SLC43A3: variants seen among roughly 807,000 people sequenced by gnomAD.
SLC43A3 encodes equilibrative nucleobase transporter 1.
SLC43A3 carries 33 observed loss-of-function variants against 53.3 expected under a neutral mutation model. The observed-to-expected ratio is 0.62, with a 90% CI of 0.47 to 0.83. The LOEUF (loss-of-function observed/expected upper bound fraction) is 0.83. Ranked by LOEUF, SLC43A3 falls within the 40% of genes least tolerant of loss-of-function variation. The pLI is 0.00. For missense variants in SLC43A3, 530 were observed against 610.0 expected, an observed-to-expected ratio of 0.87 and a Z score of 1.38; for synonymous variants, 236 against 246.2, an observed-to-expected ratio of 0.96 and a Z score of 0.39.
chr11:57,421,481 GCCCCA>G, intron 5 of SLC43A3, 108 bp from the exon 6 acceptor site: 1 of 785,944 alleles, frequency 1.3e-6, no homozygotes, highest in Non-Finnish European at 2.1e-6. Flanking sequence ...TGGTATCCAG[GCCCCA>G]ATTCTAGCCA....
chr11:57,424,193 G>A (rs756049670), intron 4 of SLC43A3, 165 bp from the exon 5 acceptor site: 63 of 671,298 alleles, frequency 9.4e-5, no homozygotes, highest in Non-Finnish European at 1.4e-4. Flanking sequence ...AAAACCAGGC[G>A]CAAGAAGCCG....
chr11:57,425,447 C>T (rs1051425203), intron 4 of SLC43A3, 94 bp downstream of exon 4: 29 of 1,372,310 alleles, frequency 2.1e-5, no homozygotes, highest in East Asian at 4.6e-5. Context: ...GCAGGGTGGC[C>T]GGGCTGTCTG....
chr11:57,425,873 T>C, intron 3 of SLC43A3, 116 bp downstream of exon 3: 1 of 1,345,050 alleles, frequency 7.4e-7, no homozygotes, highest in African/African-American at 1.4e-5. Context: ...TGAGAGCTGC[T>C]GACCCTTCCT....
chr11:57,407,818 TC>T lies in SLC43A3; in HGVS notation c.1449del (p.Trp483Ter). 6.2e-7 allele frequency: 1 copy of T among 1,612,694 alleles called. No individual in the cohort carries two copies. Among genetic ancestry groups the T allele is most frequent in the Non-Finnish European group, 8.5e-7 (1 of 1,178,740 alleles). ...PFLVYRECRT[W>X]KESPSAIA The stretch of plus-strand genomic sequence containing the variant: ...TATGCAATTGCAGAGGGACTTTCTT[TC>T]CAAGTACGGCATTCCCGATATACCA... On this transcript the variant is annotated frameshift_variant, in exon 14 of 14. Coordinates refer to ENST00000395124, the MANE Select transcript of SLC43A3 (RefSeq NM_199329.3). LOFTEE classifies it low-confidence loss of function (END_TRUNC).
intron 11 of SLC43A3, among the ~76,000 whole-genome samples, chr11:57,413,790 C>A (rs188271735): frequency 6.6e-6 from 1 of 152,146 alleles, no homozygotes; most frequent in African/African-American, 2.4e-5. Context: ...CTAGCCAGCC[C>A]GACTCATCTG....
Position 57,421,238 on chromosome 11 carries a change from TCCTTCCCTCCA to T in SLC43A3, c.438+48_438+58del, listed in dbSNP as rs560605642. On this transcript the variant is annotated intron_variant, in intron 6 of 13. Transcript: ENST00000395124. ...GCAGCCAATTATAGAAAAGGGTCTCTCCTTCCCTCCACCTTCCCGCCACCCTGCCGAGTGCC... is the reference window on the plus strand; with the variant it reads ...GCAGCCAATTATAGAAAAGGGTCTCTCCTTCCCGCCACCCTGCCGAGTGCC... The T allele has an allele frequency of 2.0e-4, 296 of 1,466,168 alleles. No individual in the cohort carries two copies. The African/African-American group carries it at 3.6e-3, about 18-fold the overall frequency. 90.8% of individuals were successfully genotyped at this position (1,466,168 alleles called of 1,614,324 possible).
chr11:57,420,070 C>T (rs1485388842), intron 7 of SLC43A3, among the ~76,000 whole-genome samples: 16 of 152,124 alleles, frequency 1.1e-4, no homozygotes, highest in Admixed American at 1.0e-3. Flanking sequence ...ACACTAAGCC[C>T]AGAGAGAAGT....
At chr11:57,423,866 G>A in intron 5 of SLC43A3, 116 bp downstream of exon 5, 1 of 810,036 alleles carries the variant, frequency 1.2e-6, no homozygotes, top group Non-Finnish European at 2.1e-6. Context: ...TCAAGCTGCA[G>A]ATCTCTGAAT....
At chr11:57,413,231 G>A (rs186236847) in intron 11 of SLC43A3, among the ~76,000 whole-genome samples, 1 of 152,262 alleles carries the variant, frequency 6.6e-6, no homozygotes, top group East Asian at 1.9e-4. Flanking sequence ...AGAAAAGGTA[G>A]GGGGGAGGAC....
At position 57,414,694 on chromosome 11, in the gene SLC43A3, G is replaced by C. The variant is rs141024414; in HGVS notation, c.981C>G (p.Phe327Leu). 1.2e-6 allele frequency: 2 copies of C among 1,613,812 alleles called. No individual in the cohort carries two copies. The highest frequency in any genetic ancestry group is 2.2e-5 in the East Asian group (1 of 44,882). Reference protein sequence around the residue: ...TYTNAFAFTQFGVLCAPWNGL... With the variant: ...TYTNAFAFTQLGVLCAPWNGL... ...CATTCCAGGGGGCACACAGCACTCC[G>C]AACTGAGTGAAGGCAAAGGCATTTG... Residue 327 changes from phenylalanine to leucine, a missense_variant, in exon 11 of 14, where the codon TTC becomes TTG. Around this residue, in one of 3 missense-constraint regions of SLC43A3, gnomAD observed 376 missense variants for 386.7 expected, o/e 0.97. Transcript: ENST00000395124.
chr11:57,421,556 T>C (rs1246518439), intron 5 of SLC43A3, among the ~76,000 whole-genome samples, 183 bp from the exon 6 acceptor site: 1 of 152,182 alleles, frequency 6.6e-6, no homozygotes, highest in Non-Finnish European at 1.5e-5. Flanking sequence ...CAGATATCTC[T>C]GTGGAAGTCT....
At chr11:57,408,892 T>G in intron 13 of SLC43A3, 1 of 376,192 alleles carries the variant, frequency 2.7e-6, no homozygotes, top group Admixed American at 4.0e-5. Flanking sequence ...AAACCCTGTG[T>G]GGGCCTAGGG....
chr11:57,424,375 A>G (rs1244987191), intron 4 of SLC43A3, among the ~76,000 whole-genome samples: 1 of 152,198 alleles, frequency 6.6e-6, no homozygotes, highest in South Asian at 2.1e-4. Context: ...TGGAAGCCCC[A>G]ACAGCCCAAC....
chr11:57,417,537 G>A lies in SLC43A3; in HGVS notation c.671+211C>T, dbSNP rs896295372. On this transcript the variant is annotated intron_variant, in intron 8 of 13. Coordinates refer to ENST00000395124, the MANE Select transcript of SLC43A3 (RefSeq NM_199329.3). ...TCATCTACATCTGGCCCTGATCAGC[G>A]GAACTAGCCAGCTACCCACAGACTT... Among the ~76,000 whole-genome samples, 20 of 152,214 alleles carry A rather than the reference G, an allele frequency of 1.3e-4. No individual in the cohort carries two copies. The South Asian group carries it at 2.1e-3, about 16-fold the overall frequency.
At chr11:57,425,135 G>A (rs1294753795) in intron 4 of SLC43A3, among the ~76,000 whole-genome samples, 2 of 152,158 alleles carry the variant, frequency 1.3e-5, no homozygotes, top group Non-Finnish European at 2.9e-5. Flanking sequence ...ATGAAGCCTG[G>A]GCAACCTGGA....
chr11:57,423,431 G>GT (rs976667109), intron 5 of SLC43A3, among the ~76,000 whole-genome samples: 1 of 151,986 alleles, frequency 6.6e-6, no homozygotes, highest in South Asian at 2.1e-4. Context: ...GTTTTTTAGG[G>GT]TTTTTTGTTT....
At chr11:57,414,506 C>CAAAAA (rs397849571) in intron 11 of SLC43A3, 109 bp downstream of exon 11, 19 of 288,406 alleles carry the variant, frequency 6.6e-5, no homozygotes, top group Admixed American at 9.6e-5. Context: ...GACTCTATCA[C>CAAAAA]AAAAAAAAAA....
At chr11:57,422,672 T>A (rs1943040339) in intron 5 of SLC43A3, among the ~76,000 whole-genome samples, 1 of 152,224 alleles carries the variant, frequency 6.6e-6, no homozygotes, top group South Asian at 2.1e-4. Flanking sequence ...AATGCTTTTT[T>A]CAAAACTGAA....
At chr11:57,409,866 T>C in intron 12 of SLC43A3, 69 bp downstream of exon 12, 1 of 1,444,132 alleles carries the variant, frequency 6.9e-7, no homozygotes, top group Non-Finnish European at 9.3e-7. Flanking sequence ...GCCTCCCAAT[T>C]TCTTTACCTC....
Sources: allele counts gnomAD v4.1 joint callset (sites outside exome capture counted in the v4.1 genomes callset), GRCh38; gene constraint gnomAD v4.1.1; regional missense constraint gnomAD v4.1.1; transcripts MANE v1.5; gene names NCBI Gene and HGNC (gene_info 2026-07-23, HGNC 2026-07-21).